SMIM8: variants seen among roughly 807,000 people sequenced by gnomAD.
The protein encoded by SMIM8 is UPF0708 protein C6orf162.
A neutral mutation model predicts 8.1 loss-of-function variants in SMIM8; 8 were observed. The ratio of observed to expected loss-of-function variants is 0.99; its 90% CI spans 0.58 to 1.78. The LOEUF is 1.78. Among genes scored for constraint, SMIM8 ranks in the 40% most tolerant of loss-of-function variants. The probability of loss-of-function intolerance (pLI) is 0.00; values close to 1 mark genes in which losing one functional copy is unlikely to be tolerated. For synonymous variants in SMIM8, 45 were observed against 39.7 expected (o/e 1.13, Z -0.50); for missense variants, 126 against 119.8 (o/e 1.05, Z -0.24).
At chr6:87,324,618 C>T (rs1776769131) in intron 1 of SMIM8, among the ~76,000 whole-genome samples, 1 of 148,354 alleles carries the variant, frequency 6.7e-6, no homozygotes, top group Admixed American at 6.7e-5. Context: ...TGTTCTATTC[C>T]ATTGATCTAT....
intron 1 of SMIM8, among the ~76,000 whole-genome samples, chr6:87,330,043 A>G (rs1776958287): frequency 6.6e-6 from 1 of 152,336 alleles, no homozygotes; most frequent in Admixed American, 6.5e-5. Context: ...TAGCAAAGTG[A>G]GAATCTGAGG....
chr6:87,335,976 A>G (rs1020995845), intron 2 of SMIM8, among the ~76,000 whole-genome samples: 3 of 151,644 alleles, frequency 2.0e-5, no homozygotes, highest in South Asian at 2.1e-4. Context: ...AGCTATGATC[A>G]CGCCACTGCA....
chr6:87,326,521 T>G lies in SMIM8; in HGVS notation c.-45+3889T>G, dbSNP rs185449830. On this transcript the variant is annotated intron_variant, in intron 1 of 3. Coordinates refer to ENST00000392863, the MANE Select transcript of SMIM8 (RefSeq NM_001042493.3). ...CTTTATTTCTGCCTTCAGTTCGTTA[T>G]GTACCCAGTAGTCATTCAGGAGCAG... Among the ~76,000 whole-genome samples the G allele has an allele frequency of 2.5e-3, 385 of 151,988 alleles. 2 individuals are homozygous for G. The highest frequency in any genetic ancestry group is 9.0e-3 in the African/African-American group (371 of 41,386).
intron 1 of SMIM8, chr6:87,329,347 T>G (rs1776934510): frequency 6.6e-6 from 1 of 152,586 alleles, no homozygotes; most frequent in Admixed American, 6.5e-5. Context: ...CGATCTCGGC[T>G]CACTGCAACC....
At chr6:87,332,343 A>ATATATATATATATATATATATATAT (rs1491301788) in intron 2 of SMIM8, among the ~76,000 whole-genome samples, 2 of 145,760 alleles carry the variant, frequency 1.4e-5, no homozygotes, top group African/African-American at 5.1e-5. Flanking sequence ...ATATATATAT[A>ATATATATATATATATATATATATAT]AATGACAGCA....
Position 87,340,261 on chromosome 6 carries a change from C to T in SMIM8, c.281C>T (p.Ser94Phe). Reference sequence around the variant, plus strand: ...CACAGTTATATGAGGCGGAAAACATCCAAATGGGATTAGTAGTGCTGGTTA... The same window carrying T: ...CACAGTTATATGAGGCGGAAAACATTCAAATGGGATTAGTAGTGCTGGTTA... The part of the protein sequence containing the change: ...EGHSYMRRKT[S>F]KWD The change falls in exon 4 of 4, where the codon TCC (serine) becomes TTC (phenylalanine). Residue 94 changes from serine (S) to phenylalanine (F), a missense_variant. Transcript: ENST00000392863. 1 of 1,598,240 alleles carries T rather than the reference C, an allele frequency of 6.3e-7. No individual in the cohort carries two copies. Among genetic ancestry groups the T allele is most frequent in the Non-Finnish European group, 8.5e-7 (1 of 1,175,220 alleles).
chr6:87,331,438 A>T (rs1473169862), intron 2 of SMIM8, among the ~76,000 whole-genome samples: 1 of 152,194 alleles, frequency 6.6e-6, no homozygotes, highest in East Asian at 1.9e-4. Context: ...GTTTTCCCCA[A>T]AACAATTTAT....
chr6:87,332,606 C>T (rs1253842036), intron 2 of SMIM8, among the ~76,000 whole-genome samples: 1 of 144,170 alleles, frequency 6.9e-6, no homozygotes, highest in African/African-American at 2.6e-5. Flanking sequence ...GGAGTGAGTT[C>T]ATCCTCCTCA....
At chr6:87,323,827 C>A (rs1375960226) in intron 1 of SMIM8, among the ~76,000 whole-genome samples, 4 of 152,014 alleles carry the variant, frequency 2.6e-5, no homozygotes, top group Admixed American at 6.5e-5. Flanking sequence ...ATTTCTAGTT[C>A]TAGATCCCTG....
chr6:87,335,845 CAAAAAAAAAA>C (rs35840147), intron 2 of SMIM8, among the ~76,000 whole-genome samples: 29 of 55,970 alleles, frequency 5.2e-4, no homozygotes, highest in Admixed American at 1.4e-3. Flanking sequence ...CCGTCCCTAC[CAAAAAAAAAA>C]AAAAAAAAAA....
chr6:87,328,528 G>T (rs1776898976), intron 1 of SMIM8, among the ~76,000 whole-genome samples: 3 of 151,830 alleles, frequency 2.0e-5, no homozygotes, highest in African/African-American at 7.3e-5. Flanking sequence ...GTATCAGTCT[G>T]CCCCTGCTGG....
In SMIM8 at chr6:87,337,058, A is replaced by G; in HGVS notation, c.27A>G (p.Thr9=). 1.2e-6 allele frequency: 2 copies of G among 1,612,240 alleles called. No homozygotes were observed. Among genetic ancestry groups the G allele is most frequent in the Non-Finnish European group, 1.7e-6 (2 of 1,179,018 alleles). MSSAPEPP[T]FKKEPPKEKE... ...TGTCTTCAGCACCTGAGCCTCCAAC[A>G]TTCAAAAAGGAACCACCCAAAGAGA... Residue 9 remains threonine (T), a synonymous_variant, in exon 3 of 4, where the codon ACA becomes ACG. Transcript: ENST00000392863.
At chr6:87,326,083 G>C (rs143142061) in intron 1 of SMIM8, among the ~76,000 whole-genome samples, 10,369 of 152,198 alleles carry the variant, frequency 0.068, 724 homozygotes, top group African/African-American at 0.18. Flanking sequence ...TCTGATGGTA[G>C]TTTGTATTTC....
intron 3 of SMIM8, among the ~76,000 whole-genome samples, chr6:87,337,410 G>C (rs1777136907): frequency 6.6e-6 from 1 of 152,120 alleles, no homozygotes; most frequent in Admixed American, 6.5e-5. Flanking sequence ...TATTGGATTG[G>C]CTTCTCAAAC....
intron 3 of SMIM8, 141 bp downstream of exon 3, chr6:87,337,307 G>A: frequency 1.2e-6 from 1 of 869,402 alleles, no homozygotes; most frequent in African/African-American, 1.7e-5. Context: ...CAGGTGGAAG[G>A]ACGATTGTAA....
chr6:87,324,711 C>T (rs573376670), intron 1 of SMIM8, among the ~76,000 whole-genome samples: 15 of 152,008 alleles, frequency 9.9e-5, no homozygotes, highest in Non-Finnish European at 1.9e-4. Flanking sequence ...TGTGATACCT[C>T]CAGCTTTGTT....
At chr6:87,334,668 A>G (rs1162407172) in intron 2 of SMIM8, among the ~76,000 whole-genome samples, 1 of 152,226 alleles carries the variant, frequency 6.6e-6, no homozygotes, top group African/African-American at 2.4e-5. Flanking sequence ...CTTCATGCCA[A>G]AGGTAGACTT....
chr6:87,328,603 G>A (rs1237531035), intron 1 of SMIM8, among the ~76,000 whole-genome samples: 1 of 152,188 alleles, frequency 6.6e-6, no homozygotes, highest in Non-Finnish European at 1.5e-5. Flanking sequence ...GAGGCAGTCT[G>A]CCTGTTCTCA....
At position 87,340,986 on chromosome 6, in the gene SMIM8, T is replaced by A. The variant is rs1777220305; in HGVS notation, c.*712T>A. ...TTTACTGAGGTATGATGATTTTGAC[T>A]ACAACTAAATGTTATCTATTTTAGT... On this transcript the variant is annotated 3_prime_UTR_variant, in exon 4 of 4. Transcript: ENST00000392863. The A allele has an allele frequency of 2.3e-5, 6 of 263,622 alleles. 1 individual carries two copies. The Admixed American group carries it at 3.2e-4, about 14-fold the overall frequency. 16.3% of individuals were successfully genotyped at this position (263,622 alleles called of 1,614,324 possible). A position where few individuals can be genotyped will look rare whatever the true frequency, so the allele number is the denominator to read the frequency against.
Sources: gnomAD v4.1 joint callset for allele counts (sites outside exome capture counted in the v4.1 genomes callset) on GRCh38, gnomAD v4.1.1 for gene constraint, MANE v1.5 for transcripts, NCBI Gene and HGNC (gene_info 2026-07-23, HGNC 2026-07-21) for gene names.